The following DENND3 variants were observed in gnomAD, a reference collection of about 807,000 sequenced individuals.
The protein encoded by DENND3 is DENN domain-containing protein 3.
In DENND3, 88 loss-of-function variants were observed where a neutral mutation model predicts 135.1. The observed-to-expected ratio is 0.65, with a 90% CI of 0.55 to 0.78. The LOEUF (loss-of-function observed/expected upper bound fraction) is 0.78. Ranked by LOEUF, DENND3 falls within the 30% of genes least tolerant of loss-of-function variation. DENND3 has a pLI of 0.00. For synonymous variants in DENND3, 693 were observed against 712.3 expected, an observed-to-expected ratio of 0.97 and a Z score of 0.43; for missense variants, 1,392 against 1,688.4, an observed-to-expected ratio of 0.82 and a Z score of 3.08.
intron 8 of DENND3, 135 bp downstream of exon 8, chr8:141,156,105 A>G (rs1412620161): frequency 1.6e-6 from 2 of 1,254,904 alleles, no homozygotes; most frequent in Non-Finnish European, 2.1e-6. Context: ...TTATTTGTGA[A>G]TTTTGTTTTC....
rs148733200 is a variant in DENND3 at position 141,189,003 on chromosome 8, C to T, written c.3102C>T (p.Ala1034=). ...CCTGTTAGAACTGCATGGTGATGGCCGACCAGAACCAGGTGTGGGTTGGCT... is the reference window on the plus strand; with the variant it reads ...CCTGTTAGAACTGCATGGTGATGGCTGACCAGAACCAGGTGTGGGTTGGCT... ...GTAKVNCMVM[A]DQNQVWVGSE... Residue 1034 remains alanine (A), a synonymous_variant, in exon 19 of 23, where the codon GCC becomes GCT. Transcript: ENST00000519811. 1.2e-5 allele frequency: 19 copies of T among 1,613,700 alleles called. No homozygotes were observed. The highest frequency in any genetic ancestry group is 2.2e-5 in the East Asian group (1 of 44,894).
In DENND3 at chr8:141,180,857, A is replaced by G; in HGVS notation, c.2944+3A>G. ...GGACGTGCTGCTCTACACTCCAGGT[A>G]AGGCCCCTCTGCCCGCGCCTCGCTG... On this transcript the variant is annotated splice_donor_region_variant and intron_variant, in intron 17 of 22. Coordinates refer to ENST00000519811, the MANE Select transcript of DENND3 (RefSeq NM_001352890.3). The G allele has an allele frequency of 6.2e-7, 1 of 1,609,788 alleles. No individual in the cohort carries two copies. Among genetic ancestry groups the G allele is most frequent in the Non-Finnish European group, 8.5e-7 (1 of 1,177,756 alleles).
At chr8:141,181,945 A>G (rs1823177173) in intron 17 of DENND3, among the ~76,000 whole-genome samples, 1 of 151,894 alleles carries the variant, frequency 6.6e-6, no homozygotes, top group South Asian at 2.1e-4. Flanking sequence ...GGCACGTGCC[A>G]CCGAAACCAG....
At chr8:141,151,514 T>TCA in intron 6 of DENND3, 105 bp from the exon 7 acceptor site, 1 of 1,089,482 alleles carries the variant, frequency 9.2e-7, no homozygotes, top group Non-Finnish European at 1.3e-6. Context: ...TGAGCTATGA[T>TCA]CACACCACTG....
At chr8:141,160,515 A>G (rs1032034672) in intron 8 of DENND3, 117 bp from the exon 9 acceptor site, 37 of 1,261,630 alleles carry the variant, frequency 2.9e-5, no homozygotes, top group Non-Finnish European at 3.7e-5. Context: ...CGCCCCTCAA[A>G]TTATTGATCG....
At position 141,167,533 on chromosome 8, in the gene DENND3, C is replaced by T. The variant is rs777927519; in HGVS notation, c.1754-471C>T. On this transcript the variant is annotated intron_variant, in intron 12 of 22. Coordinates refer to ENST00000519811, the MANE Select transcript of DENND3 (RefSeq NM_001352890.3). This position sits in a 1 kb window ranked among gnomAD's most constrained non-coding sequence, Gnocchi z 4.1. ...TTGAAGTGTGGCTCAGGCACTTAGTCGCTGTGTACCTGGGACAAGTAACCC... is the reference window on the plus strand; with the variant it reads ...TTGAAGTGTGGCTCAGGCACTTAGTTGCTGTGTACCTGGGACAAGTAACCC... 1.6e-4 allele frequency among the ~76,000 whole-genome samples: 24 copies of T among 152,096 alleles called. No individual in the cohort carries two copies. The highest frequency in any genetic ancestry group is 1.9e-4 in the East Asian group (1 of 5,188).
intron 6 of DENND3, 76 bp downstream of exon 6, chr8:141,151,029 A>G: frequency 6.9e-7 from 1 of 1,441,808 alleles, no homozygotes; most frequent in Non-Finnish European, 9.1e-7. Context: ...ATCAGAGATG[A>G]TGAAGATGCG....
rs907669333 is a variant in DENND3 at position 141,174,880 on chromosome 8, C to T, written c.2276-320C>T. ...CCCCCATTAGAAGAGTGTCCTTGTC[C>T]GGAAGGACTTTCCTACCCAAAGGTA... On this transcript the variant is annotated intron_variant, in intron 13 of 22. Transcript: ENST00000519811. The surrounding 1 kb of genome is among the most constrained non-coding windows in gnomAD (Gnocchi z 4.6). Among the ~76,000 whole-genome samples the T allele has an allele frequency of 5.9e-5, 9 of 152,108 alleles. No homozygotes were observed. Among genetic ancestry groups the T allele is most frequent in the East Asian group, 3.9e-4 (2 of 5,172 alleles).
chr8:141,147,820 T>C (rs1253380948), intron 5 of DENND3, among the ~76,000 whole-genome samples: 1 of 152,210 alleles, frequency 6.6e-6, no homozygotes, highest in Non-Finnish European at 1.5e-5. Context: ...AGCAGTGAGC[T>C]GTGTGGTGGG....
At chr8:141,183,172 G>GA (rs1184992613) in intron 17 of DENND3, among the ~76,000 whole-genome samples, 3 of 151,998 alleles carry the variant, frequency 2.0e-5, no homozygotes, top group African/African-American at 4.8e-5. Flanking sequence ...TTATGGTAAA[G>GA]AAAAAAATGC....
chr8:141,155,578 TA>T (rs906785257), intron 7 of DENND3, among the ~76,000 whole-genome samples: 1 of 151,864 alleles, frequency 6.6e-6, no homozygotes, highest in Non-Finnish European at 1.5e-5. Context: ...TAATTTCTTT[TA>T]AATTTTTTGT....
chr8:141,176,722 G>A lies in DENND3; in HGVS notation c.2667G>A (p.Lys889=). 1 of 1,614,218 alleles carries A rather than the reference G, an allele frequency of 6.2e-7. No individual in the cohort carries two copies. Among genetic ancestry groups the A allele is most frequent in the Non-Finnish European group, 8.5e-7 (1 of 1,180,014 alleles). ...GTGACCTTTGGCACCTGATGGTGAA[G>A]GAGATGTGGGCTGGGAAGAAGCTGG... ...TECDLWHLMV[K]EMWAGKKLAD... The change falls in exon 15 of 23, where the codon AAG becomes AAA. Residue 889 remains lysine, a synonymous_variant. Coordinates refer to ENST00000519811, the MANE Select transcript of DENND3 (RefSeq NM_001352890.3).
chr8:141,185,208 A>G lies in DENND3; in HGVS notation c.3014A>G (p.Lys1005Arg). 6.2e-7 allele frequency: 1 copy of G among 1,614,246 alleles called. No individual in the cohort carries two copies. Among genetic ancestry groups the G allele is most frequent in the Non-Finnish European group, 8.5e-7 (1 of 1,180,034 alleles). ...TTATGGTGTGCTCTGAGCGAAGGCA[A>G]GGTGACCGTGTTCAATGCTTCTTCA... ...PKLWCALSEG[K>R]VTVFNASSWT... The change falls in exon 18 of 23, where the codon AAG (lysine) becomes AGG (arginine). Residue 1005 changes from lysine (K) to arginine (R), a missense_variant. Transcript: ENST00000519811.
chr8:141,157,482 C>T (rs969821594), intron 8 of DENND3: 7 of 985,562 alleles, frequency 7.1e-6, no homozygotes, highest in South Asian at 4.7e-5. Flanking sequence ...TGAGTGCGGT[C>T]GTGGAGGTGA....
At chr8:141,163,658 A>T (rs1201542615) in intron 10 of DENND3, among the ~76,000 whole-genome samples, 3 of 152,190 alleles carry the variant, frequency 2.0e-5, no homozygotes, top group Non-Finnish European at 4.4e-5. Context: ...CTGTAATCCC[A>T]GCACTTTGGG....
intron 16 of DENND3, among the ~76,000 whole-genome samples, chr8:141,180,474 A>G (rs894417964): frequency 2.6e-5 from 4 of 152,182 alleles, no homozygotes; most frequent in African/African-American, 9.7e-5. Flanking sequence ...AAACAAAGGC[A>G]GCTCGAGGCA....
Position 141,151,669 on chromosome 8 carries a change from C to G in DENND3, c.906C>G (p.Asp302Glu). The G allele has an allele frequency of 6.2e-7, 1 of 1,614,072 alleles. No homozygotes were observed. The highest frequency in any genetic ancestry group is 8.5e-7 in the Non-Finnish European group (1 of 1,180,026). The change falls in exon 7 of 23, where the codon GAC (aspartate) becomes GAG (glutamate). Residue 302 changes from aspartate (D) to glutamate (E), a missense_variant. Coordinates refer to ENST00000519811, the MANE Select transcript of DENND3 (RefSeq NM_001352890.3). ...TEQRIVFFSS[D>E]WALLTLVTEC... ...AGCGGATCGTCTTCTTCTCCTCGGA[C>G]TGGGCTCTGCTGACGCTGGTCACTG...
At chr8:141,185,426 G>T in intron 18 of DENND3, 148 bp downstream of exon 18, 1 of 1,033,442 alleles carries the variant, frequency 9.7e-7, no homozygotes, top group Middle Eastern at 2.1e-4. Flanking sequence ...CTTTCACCTG[G>T]AGTTTTCAAA....
In DENND3 at chr8:141,166,315, C is replaced by T. The variant is rs754247305; in HGVS notation, c.1679C>T (p.Ala560Val). 1.5e-5 allele frequency: 24 copies of T among 1,613,870 alleles called. No homozygotes were observed. The highest frequency in any genetic ancestry group is 2.0e-5 in the Non-Finnish European group (24 of 1,180,052). Residue 560 changes from alanine (A) to valine (V), a missense_variant, in exon 12 of 23, where the codon GCC becomes GTC. Transcript: ENST00000519811. This position sits in a 1 kb window ranked among gnomAD's most constrained non-coding sequence, Gnocchi z 4.3. Reference sequence around the variant, plus strand: ...AGCATGCCCAACCTGCAGGACATTGCCATGCCTGAGCTGGCACCCAGGAAC... The same window carrying T: ...AGCATGCCCAACCTGCAGGACATTGTCATGCCTGAGCTGGCACCCAGGAAC... ...VVSMPNLQDIAMPELAPRNSS... is the reference protein window; with the variant it reads ...VVSMPNLQDIVMPELAPRNSS...
Sources: allele counts gnomAD v4.1 joint callset (sites outside exome capture counted in the v4.1 genomes callset), GRCh38; gene constraint gnomAD v4.1.1; non-coding constraint Gnocchi (gnomAD v3.1); transcripts MANE v1.5; gene names NCBI Gene and HGNC (gene_info 2026-07-23, HGNC 2026-07-21).